The following CNR1 variants were observed in gnomAD, a reference collection of about 807,000 sequenced individuals.
The protein encoded by CNR1 is cannabinoid receptor 1.
A neutral mutation model predicts 23.0 loss-of-function variants in CNR1; 10 were observed. The observed-to-expected ratio is 0.43, with a 90% CI of 0.27 to 0.74. The LOEUF (loss-of-function observed/expected upper bound fraction) is 0.74. CNR1 is among the 30% of genes least tolerant of loss of function. The pLI is 0.19. For synonymous variants in CNR1, 271 were observed against 255.2 expected (o/e 1.06, Z -0.59); for missense variants, 422 against 618.8 (o/e 0.68, Z 3.37).
chr6:88,156,791 C>T (rs899308303), intron 1 of CNR1, among the ~76,000 whole-genome samples: 8 of 152,180 alleles, frequency 5.3e-5, no homozygotes, highest in East Asian at 1.9e-4. Context: ...GAAGATCCAA[C>T]GTAACAGAAC....
chr6:88,148,356 C>T (rs962249444), intron 1 of CNR1, among the ~76,000 whole-genome samples: 1 of 152,216 alleles, frequency 6.6e-6, no homozygotes, highest in Non-Finnish European at 1.5e-5. Context: ...CTTCCTCCCA[C>T]CCACTAGACA....
At chr6:88,159,406 T>C (rs1408558785) in intron 1 of CNR1, among the ~76,000 whole-genome samples, 1 of 152,226 alleles carries the variant, frequency 6.6e-6, no homozygotes, top group Non-Finnish European at 1.5e-5. Context: ...CTTTTCATAG[T>C]GGACCTATTT....
chr6:88,147,280 C>A (rs907127458), intron 1 of CNR1, among the ~76,000 whole-genome samples: 1 of 152,168 alleles, frequency 6.6e-6, no homozygotes, highest in African/African-American at 2.4e-5. Flanking sequence ...CCACTGCACT[C>A]CAGTCTGGCA....
Position 88,145,106 on chromosome 6 carries a change from G to A in CNR1, c.169C>T (p.Pro57Ser). 1 of 1,614,148 alleles carries A rather than the reference G, an allele frequency of 6.2e-7. No homozygotes were observed. The highest frequency in any genetic ancestry group is 8.5e-7 in the Non-Finnish European group (1 of 1,180,026). The change falls in exon 2 of 2, where the codon CCC (proline) becomes TCC (serine). Residue 57 changes from proline (P) to serine (S), a missense_variant. Transcript: ENST00000369501. ...KFPLTSFRGS[P>S]FQEKMTAGDN... ...CCCGCAGTCATCTTCTCTTGGAAGG[G>A]ACTTCCCCTAAAGGAAGTTAAAGGG...
intron 1 of CNR1, among the ~76,000 whole-genome samples, chr6:88,163,462 T>C (rs1778209626): frequency 6.6e-6 from 1 of 152,238 alleles, no homozygotes; most frequent in South Asian, 2.1e-4. Flanking sequence ...TAGCAAAGTA[T>C]TTGATTTCTA....
chr6:88,146,099 TTTTC>T (rs554142350), intron 1 of CNR1, among the ~76,000 whole-genome samples: 49 of 151,936 alleles, frequency 3.2e-4, no homozygotes, highest in Admixed American at 1.2e-3. Context: ...AGAGTTTTTT[TTTTC>T]TTTCTTTCTT....
At chr6:88,160,473 CA>C (rs1778041322) in intron 1 of CNR1, among the ~76,000 whole-genome samples, 1 of 141,596 alleles carries the variant, frequency 7.1e-6, no homozygotes, top group African/African-American at 2.6e-5. Flanking sequence ...CTCACTCTGT[CA>C]CCCAGGCTGG....
intron 1 of CNR1, among the ~76,000 whole-genome samples, chr6:88,147,502 T>C (rs1216598614): frequency 6.6e-6 from 1 of 152,208 alleles, no homozygotes; most frequent in Non-Finnish European, 1.5e-5. Context: ...GTAGCATCAC[T>C]GTAGGTGGGG....
chr6:88,156,439 C>T (rs901106916), intron 1 of CNR1, among the ~76,000 whole-genome samples: 1 of 152,162 alleles, frequency 6.6e-6, no homozygotes, highest in Non-Finnish European at 1.5e-5. Context: ...TCCCCTCCAC[C>T]CCTCCACCTC....
intron 1 of CNR1, among the ~76,000 whole-genome samples, chr6:88,155,313 A>G (rs142097142): frequency 3.5e-4 from 54 of 152,338 alleles, no homozygotes; most frequent in African/African-American, 1.2e-3. Context: ...TAATTTCCAA[A>G]TATTTTCATT....
chr6:88,167,049 G>A (rs1340220054), upstream of CNR1, among the ~76,000 whole-genome samples: 1 of 151,668 alleles, frequency 6.6e-6, no homozygotes. Flanking sequence ...AGCGCCCGCC[G>A]CCCTTTCCCG....
chr6:88,145,088 T>C lies in CNR1; in HGVS notation c.187A>G (p.Thr63Ala), dbSNP rs756276407. 1 of 1,614,052 alleles carries C rather than the reference T, an allele frequency of 6.2e-7. No individual in the cohort carries two copies. The highest frequency in any genetic ancestry group is 1.1e-5 in the South Asian group (1 of 91,090). ...FRGSPFQEKMTAGDNPQLVPA... is the reference protein window; with the variant it reads ...FRGSPFQEKMAAGDNPQLVPA... ...ACTAGCTGGGGGTTGTCTCCCGCAGTCATCTTCTCTTGGAAGGGACTTCCC... is the reference window on the plus strand; with the variant it reads ...ACTAGCTGGGGGTTGTCTCCCGCAGCCATCTTCTCTTGGAAGGGACTTCCC... Residue 63 changes from threonine (T) to alanine (A), a missense_variant, in exon 2 of 2, where the codon ACT becomes GCT. This residue lies in a region of CNR1 where 120 missense variants were observed against 117.6 expected (regional missense o/e 1.02). Transcript: ENST00000369501.
At chr6:88,160,958 T>G (rs1386919332) in intron 1 of CNR1, among the ~76,000 whole-genome samples, 6 of 152,082 alleles carry the variant, frequency 3.9e-5, no homozygotes, top group Admixed American at 1.3e-4. Flanking sequence ...AGAATCCAAA[T>G]AAGAGTGGAA....
At position 88,142,975 on chromosome 6, in the gene CNR1, G is replaced by C. The variant is rs911867521; in HGVS notation, c.*881C>G. The C allele has an allele frequency of 5.9e-5, 9 of 152,744 alleles. No individual in the cohort carries two copies. Among genetic ancestry groups the C allele is most frequent in the African/African-American group, 2.2e-4 (9 of 41,446 alleles). The allele number at this position is 152,744 out of a possible 1,614,324, so 9.5% of individuals were successfully genotyped here. ...AAGATTAACACATGCTGTCTTAAGA[G>C]ATCCAGTAATAGCTAAAGACTAAAG... is the stretch of plus-strand genomic sequence containing the variant. On this transcript the variant is annotated 3_prime_UTR_variant, in exon 2 of 2. Transcript: ENST00000369501.
chr6:88,147,371 A>G (rs143020582), intron 1 of CNR1, among the ~76,000 whole-genome samples: 6 of 152,316 alleles, frequency 3.9e-5, no homozygotes, highest in Non-Finnish European at 8.8e-5. Context: ...CAGCTGACTC[A>G]GAAATTAAAA....
rs1265750505 is a variant in CNR1, at chr6:88,143,720, G to A, written c.*136C>T. ...TATGGAAACATTAGCAAACTGATAA[G>A]TGATCATGGTGACAATCACCTTTTC... On this transcript the variant is annotated 3_prime_UTR_variant, in exon 2 of 2. Coordinates refer to ENST00000369501, the MANE Select transcript of CNR1 (RefSeq NM_016083.6). 1.5e-6 allele frequency: 1 copy of A among 689,466 alleles called. No individual in the cohort carries two copies. Among genetic ancestry groups the A allele is most frequent in the African/African-American group, 1.8e-5 (1 of 56,136 alleles). 42.7% of individuals were successfully genotyped at this position (689,466 alleles called of 1,614,324 possible).
intron 1 of CNR1, among the ~76,000 whole-genome samples, chr6:88,165,162 A>AT (rs1251157733): frequency 6.6e-6 from 1 of 152,196 alleles, no homozygotes; most frequent in African/African-American, 2.4e-5. Flanking sequence ...TCTCATGTCT[A>AT]TTACAGCAAA....
intron 1 of CNR1, among the ~76,000 whole-genome samples, chr6:88,160,309 T>C (rs1778026167): frequency 6.6e-6 from 1 of 152,030 alleles, no homozygotes; most frequent in South Asian, 2.1e-4. Flanking sequence ...TAATTAAAAA[T>C]AAATAAATAA....
chr6:88,143,841 A>G lies in CNR1; in HGVS notation c.*15T>C, dbSNP rs1176244810. 1 of 1,600,186 alleles carries G rather than the reference A, an allele frequency of 6.2e-7. No individual in the cohort carries two copies. Among genetic ancestry groups the G allele is most frequent in the Non-Finnish European group, 8.5e-7 (1 of 1,169,646 alleles). ...AAAAAAATTCTTTTCCTGTGCTGCC[A>G]GGGAGGCATCAGGCTCACAGAGCCT... On this transcript the variant is annotated 3_prime_UTR_variant, in exon 2 of 2. Transcript: ENST00000369501.
Sources: gnomAD v4.1 joint callset for allele counts (sites outside exome capture counted in the v4.1 genomes callset) on GRCh38, gnomAD v4.1.1 for gene constraint, gnomAD v4.1.1 regional missense constraint, MANE v1.5 for transcripts, NCBI Gene and HGNC (gene_info 2026-07-23, HGNC 2026-07-21) for gene names.